Variants in RAB10 observed in about 807,000 individuals in gnomAD.
The protein encoded by RAB10 is RAB10, member RAS oncogene family.
A neutral mutation model predicts 25.7 loss-of-function variants in RAB10; 5 were observed. The ratio of observed to expected loss-of-function variants is 0.19; its 90% CI spans 0.10 to 0.41. The LOEUF (loss-of-function observed/expected upper bound fraction) is 0.41, where lower values mean the gene tolerates loss of function less well. Ranked by LOEUF, RAB10 falls within the 10% of genes least tolerant of loss-of-function variation. The probability of loss-of-function intolerance (pLI) is 1.00; values close to 1 mark genes in which losing one functional copy is unlikely to be tolerated. For missense variants in RAB10, 103 were observed against 245.8 expected (o/e 0.42, Z 3.89); for synonymous variants, 89 against 86.4 (o/e 1.03, Z -0.16).
chr2:26,047,022 A>T (rs1342548562), intron 1 of RAB10, among the ~76,000 whole-genome samples: 2 of 152,186 alleles, frequency 1.3e-5, no homozygotes, highest in African/African-American at 2.4e-5. Flanking sequence ...TTTTTATAAC[A>T]TCACAACCAG....
At chr2:26,070,809 C>T (rs150322092) in intron 1 of RAB10, among the ~76,000 whole-genome samples, 126 of 152,278 alleles carry the variant, frequency 8.3e-4, no homozygotes, top group African/African-American at 2.9e-3. Context: ...TGTAAATTCT[C>T]ACCAAATGTA....
chr2:26,076,875 C>T (rs1217186825), intron 1 of RAB10, among the ~76,000 whole-genome samples: 6 of 143,458 alleles, frequency 4.2e-5, no homozygotes, highest in African/African-American at 1.0e-4. Context: ...ACCCGGGAGG[C>T]GGAAGTTGCA....
intron 1 of RAB10, among the ~76,000 whole-genome samples, chr2:26,070,035 T>C (rs1666591881): frequency 1.3e-5 from 2 of 152,192 alleles, no homozygotes; most frequent in Non-Finnish European, 1.5e-5. Context: ...AATCTTGGTT[T>C]GGGGGAGGTG....
chr2:26,047,104 A>G (rs1371499795), intron 1 of RAB10, among the ~76,000 whole-genome samples: 1 of 152,156 alleles, frequency 6.6e-6, no homozygotes, highest in Non-Finnish European at 1.5e-5. Flanking sequence ...ATTTGTGTGT[A>G]TATGAAATTT....
intron 1 of RAB10, among the ~76,000 whole-genome samples, chr2:26,067,853 A>G (rs113495370): frequency 6.6e-6 from 1 of 152,226 alleles, no homozygotes; most frequent in African/African-American, 2.4e-5. Flanking sequence ...TGTAAAGTCT[A>G]AGACAGTAGA....
In RAB10 at chr2:26,034,376, C is replaced by T. The variant is rs190037964; in HGVS notation, c.-233C>T. ...TCCCGACCGACTCCCCGGAACCGGG[C>T]GGACGGGCTGGGAGAGGCTGCGGAG... On this transcript the variant is annotated 5_prime_UTR_variant, in exon 1 of 6. Transcript: ENST00000264710. The T allele has an allele frequency of 2.0e-4, 118 of 598,302 alleles. No homozygotes were observed. The highest frequency in any genetic ancestry group is 3.1e-4 in the Non-Finnish European group (106 of 338,386). 37.1% of individuals were successfully genotyped at this position (598,302 alleles called of 1,614,324 possible).
chr2:26,040,543 A>G (rs1665861766), intron 1 of RAB10, among the ~76,000 whole-genome samples: 1 of 152,092 alleles, frequency 6.6e-6, no homozygotes, highest in African/African-American at 2.4e-5. Context: ...CTGTAGTTCT[A>G]GCTACAGGGG....
At chr2:26,059,269 G>T (rs1322026796) in intron 1 of RAB10, among the ~76,000 whole-genome samples, 1 of 152,100 alleles carries the variant, frequency 6.6e-6, no homozygotes, top group Non-Finnish European at 1.5e-5. Flanking sequence ...TTTTTGTTTT[G>T]CTAATGCATT....
At chr2:26,079,280 C>T (rs553937506) in intron 1 of RAB10, among the ~76,000 whole-genome samples, 6 of 150,850 alleles carry the variant, frequency 4.0e-5, no homozygotes, top group East Asian at 1.9e-4. Flanking sequence ...TGGTTCCTCA[C>T]GGAGTGGGGG....
chr2:26,115,060 A>G (rs750537617), intron 3 of RAB10, among the ~76,000 whole-genome samples: 2 of 152,370 alleles, frequency 1.3e-5, no homozygotes, highest in Non-Finnish European at 2.9e-5. Flanking sequence ...GCCAACCCAC[A>G]GAATGGAAGA....
At chr2:26,113,616 A>G (rs1036251248) in intron 3 of RAB10, among the ~76,000 whole-genome samples, 3 of 152,124 alleles carry the variant, frequency 2.0e-5, no homozygotes, top group East Asian at 3.9e-4. Flanking sequence ...AACTTCCTTA[A>G]TCCTGTAAGT....
chr2:26,103,137 A>T (rs528450915), intron 2 of RAB10, among the ~76,000 whole-genome samples: 6 of 152,228 alleles, frequency 3.9e-5, no homozygotes, highest in Non-Finnish European at 8.8e-5. Context: ...CTAAGCTGGG[A>T]GGGGTAGAAC....
chr2:26,038,090 T>C (rs1453999868), intron 1 of RAB10, among the ~76,000 whole-genome samples: 2 of 151,970 alleles, frequency 1.3e-5, no homozygotes, highest in African/African-American at 4.8e-5. Flanking sequence ...TTCACCATGT[T>C]GGCCAGGCTG....
At chr2:26,123,747 C>G (rs1410437721) in intron 3 of RAB10, among the ~76,000 whole-genome samples, 2 of 152,166 alleles carry the variant, frequency 1.3e-5, no homozygotes, top group Non-Finnish European at 2.9e-5. Flanking sequence ...TTTAGACTTA[C>G]TGTACAACAT....
intron 1 of RAB10, among the ~76,000 whole-genome samples, chr2:26,035,334 C>T (rs146014986): frequency 1.9e-3 from 296 of 152,324 alleles, no homozygotes; most frequent in Middle Eastern, 3.4e-3. Flanking sequence ...TTCGAGACAT[C>T]AACAGAAGCA....
chr2:26,123,837 GA>G (rs1667852553), intron 3 of RAB10, among the ~76,000 whole-genome samples: 1 of 152,126 alleles, frequency 6.6e-6, no homozygotes, highest in Admixed American at 6.6e-5. Flanking sequence ...TATTTTTAAA[GA>G]AATGAAAAAG....
intron 3 of RAB10, among the ~76,000 whole-genome samples, chr2:26,120,893 G>A (rs1667790196): frequency 6.6e-6 from 1 of 150,938 alleles, no homozygotes; most frequent in South Asian, 2.1e-4. Context: ...TCCAGCCAGC[G>A]AGTTTCTTTA....
In RAB10 at chr2:26,127,850, A is replaced by G; in HGVS notation, c.418A>G (p.Ile140Val). 1 of 1,589,622 alleles carries G rather than the reference A, an allele frequency of 6.3e-7. No homozygotes were observed. The highest frequency in any genetic ancestry group is 8.6e-7 in the Non-Finnish European group (1 of 1,157,906). Reference protein sequence around the residue: ...RVVPKGKGEQIAREHGIRFFE... With the variant: ...RVVPKGKGEQVAREHGIRFFE... ...TGATGATATTTTGTTTCTGTTTTAG[A>G]TTGCAAGGGAGCATGGTATTAGGTT... The change falls in exon 5 of 6, where the codon ATT becomes GTT. Residue 140 changes from isoleucine (I) to valine (V), a missense_variant and splice_region_variant. This residue lies in a region of RAB10 where 79 missense variants were observed against 217.8 expected (regional missense o/e 0.36). Transcript: ENST00000264710.
intron 1 of RAB10, among the ~76,000 whole-genome samples, chr2:26,037,020 A>G (rs1414780934): frequency 6.6e-6 from 1 of 151,848 alleles, no homozygotes; most frequent in Non-Finnish European, 1.5e-5. Context: ...CAAGCAATCC[A>G]CCGCCCCAGC....
Sources: allele counts gnomAD v4.1 joint callset (sites outside exome capture counted in the v4.1 genomes callset), GRCh38; gene constraint gnomAD v4.1.1; regional missense constraint gnomAD v4.1.1; transcripts MANE v1.5; gene names NCBI Gene and HGNC (gene_info 2026-07-23, HGNC 2026-07-21).